The following LPA variants were observed in gnomAD, a reference collection of about 807,000 sequenced individuals.
LPA encodes the protein apolipoprotein(a).
Under a neutral mutation model 197.9 loss-of-function variants are expected in LPA, and 199 were observed. The observed-to-expected ratio is 1.01, with a 90% CI of 0.90 to 1.13. The LOEUF (loss-of-function observed/expected upper bound fraction) is 1.13, where lower values mean the gene tolerates loss of function less well. LPA is among the 50% of genes most tolerant of loss of function. The pLI, the probability that LPA is intolerant of heterozygous loss-of-function variation, is 0.00. For synonymous variants in LPA, 715 were observed against 639.5 expected (o/e 1.12, Z -1.78); for missense variants, 1,853 against 1,785.8 (o/e 1.04, Z -0.68).
At position 160,590,976 on chromosome 6, in the gene LPA, A is replaced by T; in HGVS notation, c.3755T>A (p.Val1252Asp). The T allele has an allele frequency of 6.2e-7, 1 of 1,614,002 alleles. No individual in the cohort carries two copies. Among genetic ancestry groups the T allele is most frequent in the African/African-American group, 1.3e-5 (1 of 75,032 alleles). ...LTQCPVTESS[V>D]LATSTAVSEQ... ...AGAAACAGCCGTGGACGTCGCAAGGACACTTGATTCTGTCACTGGACATTG... is the reference window on the plus strand; with the variant it reads ...AGAAACAGCCGTGGACGTCGCAAGGTCACTTGATTCTGTCACTGGACATTG... Residue 1252 changes from valine to aspartate, a missense_variant, in exon 23 of 39, where the codon GTC becomes GAC. Physicochemically the swap from Val to Asp is radical, Grantham distance 152. Coordinates refer to ENST00000316300, the MANE Select transcript of LPA (RefSeq NM_005577.4).
At position 160,541,094 on chromosome 6, in the gene LPA, C is replaced by T; in HGVS notation, c.5594+13G>A. On this transcript the variant is annotated intron_variant, in intron 35 of 38. Coordinates refer to ENST00000316300, the MANE Select transcript of LPA (RefSeq NM_005577.4). ...GAAGATAAGACCCCATGTCAGTTTT[C>T]CCTTAAACGTACTTCTTCAAGCAGT... 1 of 1,612,838 alleles carries T rather than the reference C, an allele frequency of 6.2e-7. No homozygotes were observed. The highest frequency in any genetic ancestry group is 8.5e-7 in the Non-Finnish European group (1 of 1,178,810).
chr6:160,564,364 T>A (rs1300959909), intron 28 of LPA, among the ~76,000 whole-genome samples: 2 of 152,250 alleles, frequency 1.3e-5, no homozygotes, highest in Non-Finnish European at 2.9e-5. Context: ...TTGAAAATTA[T>A]TTTCTTTAAG....
intron 37 of LPA, among the ~76,000 whole-genome samples, chr6:160,536,195 G>C: frequency 6.6e-6 from 1 of 152,270 alleles, no homozygotes; most frequent in Non-Finnish European, 1.5e-5. Flanking sequence ...CTGCAGCCAT[G>C]GGAATGTCAC....
chr6:160,564,775 G>A (rs1005709330), intron 28 of LPA, among the ~76,000 whole-genome samples: 28 of 152,266 alleles, frequency 1.8e-4, no homozygotes, highest in Non-Finnish European at 3.8e-4. Context: ...GATGTACCCG[G>A]AAAATCGGGA....
chr6:160,557,319 A>T, intron 29 of LPA, 71 bp downstream of exon 29: 3 of 1,547,500 alleles, frequency 1.9e-6, no homozygotes, highest in Non-Finnish European at 2.7e-6. Context: ...AGGCTTCTGC[A>T]TCAGTCAGAT....
chr6:160,591,019 C>T lies in LPA; in HGVS notation c.3712G>A (p.Glu1238Lys). The change falls in exon 23 of 39, where the codon GAG becomes AAG. Residue 1238 changes from glutamate to lysine, a missense_variant. Coordinates refer to ENST00000316300, the MANE Select transcript of LPA (RefSeq NM_005577.4). ...CYTMDPNVRW[E>K]YCNLTQCPVT... Reference sequence around the variant, plus strand: ...GGACATTGTGTCAGGTTGCAGTACTCCCATCTGACATTGGGATCCATGGTA... The same window carrying T: ...GGACATTGTGTCAGGTTGCAGTACTTCCATCTGACATTGGGATCCATGGTA... 2 of 1,613,952 alleles carry T rather than the reference C, an allele frequency of 1.2e-6. 1 individual carries two copies. Among genetic ancestry groups the T allele is most frequent in the Non-Finnish European group, 1.7e-6 (2 of 1,179,908 alleles).
chr6:160,600,451 C>T (rs1779216447), intron 19 of LPA, among the ~76,000 whole-genome samples: 1 of 152,074 alleles, frequency 6.6e-6, no homozygotes, highest in Non-Finnish European at 1.5e-5. Flanking sequence ...TCCACAGACC[C>T]AGGGAGATAT....
intron 2 of LPA, among the ~76,000 whole-genome samples, chr6:160,648,460 C>G (rs1011079070): frequency 6.6e-6 from 1 of 152,122 alleles, no homozygotes; most frequent in Non-Finnish European, 1.5e-5. Flanking sequence ...ATCTCCTTCC[C>G]CCTTTCTGTG....
chr6:160,568,298 GT>G (rs1778499909), intron 28 of LPA, among the ~76,000 whole-genome samples: 1 of 152,184 alleles, frequency 6.6e-6, no homozygotes, highest in Admixed American at 6.5e-5. Context: ...CCATGATCAA[GT>G]TGGCTTTATC....
rs1474366191 is a variant in LPA at position 160,593,822 on chromosome 6, AAG to A, written c.3629+134_3629+135del. 2.7e-6 allele frequency: 3 copies of A among 1,112,422 alleles called. No individual in the cohort carries two copies. In the African/African-American group the frequency reaches 4.6e-5, roughly 17 times the overall value. 68.9% of individuals were successfully genotyped at this position (1,112,422 alleles called of 1,614,324 possible). The stretch of plus-strand genomic sequence containing the variant: ...TCCTTTCAGACACTGTGCCTGAAGA[AAG>A]AAGCCTGAGACATTCTACCCAACAT... On this transcript the variant is annotated intron_variant, in intron 22 of 38. Transcript: ENST00000316300.
At chr6:160,547,262 G>A (rs143283813) in intron 32 of LPA, among the ~76,000 whole-genome samples, 14 of 152,276 alleles carry the variant, frequency 9.2e-5, no homozygotes, top group African/African-American at 3.4e-4. Flanking sequence ...CAGATCATCA[G>A]GCATTAGATT....
At chr6:160,532,481 G>T in intron 38 of LPA, 50 bp downstream of exon 38, 2 of 1,419,346 alleles carry the variant, frequency 1.4e-6, no homozygotes, top group South Asian at 1.1e-5. Context: ...CTAAGGGACT[G>T]AGACTGAGAC....
At chr6:160,606,730 T>G in intron 16 of LPA, 72 bp from the exon 17 acceptor site, 1 of 1,568,236 alleles carries the variant, frequency 6.4e-7, no homozygotes, top group Non-Finnish European at 8.8e-7. Flanking sequence ...CCCTCTCCTT[T>G]GTGCTGCAAC....
chr6:160,605,020 A>T (rs1408009087), intron 18 of LPA, 26 bp downstream of exon 18: 1 of 1,612,704 alleles, frequency 6.2e-7, no homozygotes, highest in Admixed American at 1.7e-5. Flanking sequence ...CCCTTCCTTC[A>T]CTTATGGTAA....
At chr6:160,651,126 G>A (rs978022586) in intron 1 of LPA, among the ~76,000 whole-genome samples, 6 of 152,124 alleles carry the variant, frequency 3.9e-5, no homozygotes, top group Non-Finnish European at 8.8e-5. Context: ...ACCCACCACA[G>A]GTTCAAGTTC....
At chr6:160,595,264 G>A in intron 21 of LPA, 90 bp downstream of exon 21, 14 of 1,492,516 alleles carry the variant, frequency 9.4e-6, no homozygotes, top group Middle Eastern at 1.7e-4. Context: ...GGAATTGTGT[G>A]AGCATGGAAG....
chr6:160,605,347 A>G, intron 17 of LPA, 142 bp from the exon 18 acceptor site: 1 of 1,063,824 alleles, frequency 9.4e-7, no homozygotes, highest in East Asian at 2.4e-5. Context: ...TTGTTTCTTT[A>G]TTTGTAGGCA....
chr6:160,634,650 T>A (rs1470691820), intron 7 of LPA, among the ~76,000 whole-genome samples: 1 of 151,182 alleles, frequency 6.6e-6, no homozygotes, highest in East Asian at 1.9e-4. Flanking sequence ...TACTGCTCCA[T>A]AGACCCAGGA....
At chr6:160,576,394 A>ATATATATATGTG (rs1778673145) in intron 28 of LPA, among the ~76,000 whole-genome samples, 2 of 53,752 alleles carry the variant, frequency 3.7e-5, no homozygotes, top group Non-Finnish European at 4.7e-5. Context: ...ATATATGTAT[A>ATATATATATGTG]TATATATATA....
Sources: gnomAD v4.1 joint callset for allele counts (sites outside exome capture counted in the v4.1 genomes callset) on GRCh38, gnomAD v4.1.1 for gene constraint, MANE v1.5 for transcripts, NCBI Gene and HGNC (gene_info 2026-07-23, HGNC 2026-07-21) for gene names.